MALRD1: variants seen among roughly 807,000 people sequenced by gnomAD.
MALRD1 encodes the protein MAM and LDL receptor class A domain containing 1.
A neutral mutation model predicts 242.1 loss-of-function variants in MALRD1; 247 were observed. The ratio of observed to expected loss-of-function variants is 1.02; its 90% CI spans 0.92 to 1.13. The LOEUF (loss-of-function observed/expected upper bound fraction) is 1.13. Among genes scored for constraint, MALRD1 ranks in the 50% most tolerant of loss-of-function variants. MALRD1 has a pLI of 0.00. For synonymous variants in MALRD1, 995 were observed against 866.6 expected (o/e 1.15, Z -2.60); for missense variants, 2,989 against 2,533.1 (o/e 1.18, Z -3.86).
At chr10:19,381,959 A>G (rs1588994637) in intron 26 of MALRD1, among the ~76,000 whole-genome samples, 1 of 152,294 alleles carries the variant, frequency 6.6e-6, no homozygotes, top group Admixed American at 6.5e-5. Flanking sequence ...TGTGGTATGT[A>G]TTAAAACATT....
At chr10:19,291,062 A>T (rs1395019148) in intron 21 of MALRD1, among the ~76,000 whole-genome samples, 1 of 152,216 alleles carries the variant, frequency 6.6e-6, no homozygotes, top group African/African-American at 2.4e-5. Flanking sequence ...TTATTGCTGG[A>T]ATCTAGAGAG....
intron 28 of MALRD1, among the ~76,000 whole-genome samples, chr10:19,422,590 G>A (rs1833756072): frequency 6.6e-6 from 1 of 152,166 alleles, no homozygotes; most frequent in Non-Finnish European, 1.5e-5. Flanking sequence ...TTGAACAAAT[G>A]AGAATTGCAT....
At chr10:19,652,162 G>A (rs1234781559) in intron 36 of MALRD1, among the ~76,000 whole-genome samples, 2 of 152,160 alleles carry the variant, frequency 1.3e-5, no homozygotes, top group Non-Finnish European at 2.9e-5. Context: ...CCTGTGTCAC[G>A]TGCCAACACC....
chr10:19,188,825 G>T (rs1394263084), intron 14 of MALRD1, among the ~76,000 whole-genome samples: 1 of 147,176 alleles, frequency 6.8e-6, no homozygotes, highest in East Asian at 2.0e-4. Flanking sequence ...ATAAGGAAAT[G>T]ATGGTGACTT....
chr10:19,239,152 T>G (rs536039009), intron 18 of MALRD1, among the ~76,000 whole-genome samples: 1 of 151,674 alleles, frequency 6.6e-6, no homozygotes, highest in South Asian at 2.1e-4. Flanking sequence ...TCCATCTCCC[T>G]GGTTCAAGCA....
intron 11 of MALRD1, among the ~76,000 whole-genome samples, chr10:19,153,433 G>A (rs1834012999): frequency 6.6e-6 from 1 of 152,030 alleles, no homozygotes; most frequent in East Asian, 1.9e-4. Context: ...ATTAAATAGG[G>A]AGCCAGGTGC....
In MALRD1 at chr10:19,638,639, A is replaced by G. The variant is rs139195334; in HGVS notation, c.6137+22716A>G. On this transcript the variant is annotated intron_variant, in intron 36 of 39. Coordinates refer to ENST00000454679, the MANE Select transcript of MALRD1 (RefSeq NM_001142308.3). ...TGTTCTATTAAACTGTCCAAAAAGC[A>G]TATTTCCAGCTACTTCAGGAATGTG... 1.2e-4 allele frequency among the ~76,000 whole-genome samples: 19 copies of G among 152,302 alleles called. 1 individual carries two copies. Among genetic ancestry groups the G allele is most frequent in the Non-Finnish European group, 2.5e-4 (17 of 68,030 alleles).
At chr10:19,173,590 G>T (rs1469641683) in intron 13 of MALRD1, among the ~76,000 whole-genome samples, 1 of 152,034 alleles carries the variant, frequency 6.6e-6, no homozygotes, top group East Asian at 1.9e-4. Context: ...TGATTAATTT[G>T]TTGTTCTCTT....
intron 19 of MALRD1, among the ~76,000 whole-genome samples, chr10:19,266,027 T>C (rs952494526): frequency 1.3e-4 from 19 of 151,996 alleles, no homozygotes; most frequent in African/African-American, 4.1e-4. Context: ...TAAGTATAGC[T>C]TCCTGTGCTC....
intron 21 of MALRD1, among the ~76,000 whole-genome samples, chr10:19,296,973 A>G (rs1297933652): frequency 6.6e-6 from 1 of 151,514 alleles, no homozygotes; most frequent in African/African-American, 2.4e-5. Context: ...TTAGAACCAA[A>G]TTTTTCATAT....
At chr10:19,380,694 A>AG in intron 26 of MALRD1, among the ~76,000 whole-genome samples, 1 of 152,284 alleles carries the variant, frequency 6.6e-6, no homozygotes, top group East Asian at 1.9e-4. Flanking sequence ...GAATTTAAAA[A>AG]TGTTTTAATC....
chr10:19,293,712 C>T (rs1588867349), intron 21 of MALRD1, among the ~76,000 whole-genome samples: 1 of 152,142 alleles, frequency 6.6e-6, no homozygotes, highest in African/African-American at 2.4e-5. Context: ...GATAAGAACT[C>T]TTGGACGCAA....
intron 24 of MALRD1, among the ~76,000 whole-genome samples, chr10:19,333,643 T>G (rs1843484993): frequency 6.6e-6 from 1 of 152,162 alleles, no homozygotes; most frequent in Non-Finnish European, 1.5e-5. Context: ...AAAGATCTAT[T>G]TTCCTTTGGT....
At chr10:19,136,254 T>C (rs188015576) in intron 9 of MALRD1, among the ~76,000 whole-genome samples, 1 of 152,072 alleles carries the variant, frequency 6.6e-6, no homozygotes. Context: ...GTCAGGGACA[T>C]TTTTTATAGT....
chr10:19,195,937 C>G (rs553973407), intron 14 of MALRD1, among the ~76,000 whole-genome samples: 26 of 152,110 alleles, frequency 1.7e-4, no homozygotes, highest in Admixed American at 6.6e-4. Flanking sequence ...ATCTGTCTTC[C>G]ACTTCCCTAT....
intron 26 of MALRD1, among the ~76,000 whole-genome samples, chr10:19,370,211 T>A (rs905094899): frequency 2.6e-5 from 4 of 152,154 alleles, no homozygotes; most frequent in Non-Finnish European, 5.9e-5. Context: ...TCAATCTGTT[T>A]GCCTTATTTT....
chr10:19,434,897 G>T (rs1834288722), intron 28 of MALRD1, among the ~76,000 whole-genome samples: 1 of 151,318 alleles, frequency 6.6e-6, no homozygotes, highest in Admixed American at 6.6e-5. Context: ...ATAGCTTAAG[G>T]TTTAATTGAT....
At chr10:19,244,216 C>T (rs755246525) in intron 18 of MALRD1, among the ~76,000 whole-genome samples, 5 of 152,146 alleles carry the variant, frequency 3.3e-5, no homozygotes, top group African/African-American at 9.6e-5. Context: ...CTTCAACTCA[C>T]TGGTTCCTTA....
chr10:19,397,433 A>G (rs1846632387), intron 28 of MALRD1, among the ~76,000 whole-genome samples: 1 of 152,078 alleles, frequency 6.6e-6, no homozygotes, highest in South Asian at 2.1e-4. Flanking sequence ...TTTTTAATGG[A>G]TGAGTAATAT....
Sources: allele counts gnomAD v4.1 joint callset (sites outside exome capture counted in the v4.1 genomes callset), GRCh38; gene constraint gnomAD v4.1.1; transcripts MANE v1.5; gene names NCBI Gene and HGNC (gene_info 2026-07-23, HGNC 2026-07-21).